The following PCLO variants were observed in gnomAD, a reference collection of about 807,000 sequenced individuals.
PCLO encodes the protein piccolo presynaptic cytomatrix protein.
PCLO carries 82 observed loss-of-function variants against 427.5 expected under a neutral mutation model. That is an observed-to-expected ratio of 0.19 (90% CI 0.16 to 0.23). PCLO has a LOEUF of 0.23. Ranked by LOEUF, PCLO falls within the 10% of genes least tolerant of loss-of-function variation. The pLI is 1.00. For synonymous variants in PCLO, 2,357 were observed against 2,155.4 expected (o/e 1.09, Z -2.59); for missense variants, 6,239 against 6,115.9 (o/e 1.02, Z -0.67).
intron 3 of PCLO, among the ~76,000 whole-genome samples, chr7:82,987,740 C>G (rs533586626): frequency 1.9e-4 from 29 of 152,148 alleles, no homozygotes; most frequent in Non-Finnish European, 2.5e-4. Flanking sequence ...TCAGTTCCAA[C>G]CAACAATCAG....
chr7:82,907,610 A>G (rs916211474), intron 8 of PCLO, among the ~76,000 whole-genome samples: 3 of 152,060 alleles, frequency 2.0e-5, no homozygotes, highest in African/African-American at 7.2e-5. Context: ...GCATAATTCA[A>G]TACAGGCTGA....
Position 83,156,359 on chromosome 7 carries a change from C to G in PCLO, c.282G>C (p.Lys94Asn), listed in dbSNP as rs1290766429. ...KQELDSSHPPKQSGRPPDPGR... is the reference protein window; with the variant it reads ...KQELDSSHPPNQSGRPPDPGR... Reference sequence around the variant, plus strand: ...CAGGGTCCGGGGGTCTTCCTGATTGCTTTGGAGGATGACTACTATCCAACT... The same window carrying G: ...CAGGGTCCGGGGGTCTTCCTGATTGGTTTGGAGGATGACTACTATCCAACT... Residue 94 changes from lysine (K) to asparagine (N), a missense_variant, in exon 2 of 25, where the codon AAG (lysine) becomes AAC (asparagine). Physicochemically the swap from Lys to Asn is moderately conservative, Grantham distance 94. This residue lies in a region of PCLO where 4,677 missense variants were observed against 4,468.4 expected (regional missense o/e 1.05). Transcript: ENST00000333891. 1 of 1,605,948 alleles carries G rather than the reference C, an allele frequency of 6.2e-7. No homozygotes were observed.
At chr7:82,863,155 TAA>T (rs1050251177) in intron 10 of PCLO, among the ~76,000 whole-genome samples, 3 of 151,946 alleles carry the variant, frequency 2.0e-5, no homozygotes, top group Non-Finnish European at 4.4e-5. Flanking sequence ...AATTAAAAAT[TAA>T]AAAGTTATAC....
chr7:83,158,277 A>G (rs1268256293), intron 1 of PCLO, among the ~76,000 whole-genome samples: 1 of 152,080 alleles, frequency 6.6e-6, no homozygotes, highest in Non-Finnish European at 1.5e-5. Flanking sequence ...AGCTCTTAAA[A>G]TGGACTGCTA....
At chr7:82,837,301 C>A (rs1451052474) in intron 15 of PCLO, among the ~76,000 whole-genome samples, 1 of 151,912 alleles carries the variant, frequency 6.6e-6, no homozygotes, top group Non-Finnish European at 1.5e-5. Flanking sequence ...TCAAATTATT[C>A]CTTCTACTTG....
chr7:82,914,670 T>C lies in PCLO; in HGVS notation c.13300+16A>G, dbSNP rs74356794. 21,095 of 1,611,666 alleles carry C rather than the reference T, an allele frequency of 0.013. 190 individuals carry two copies. Among genetic ancestry groups the C allele is most frequent in the Middle Eastern group, 0.021 (130 of 6,056 alleles). On this transcript the variant is annotated intron_variant, in intron 7 of 24. Coordinates refer to ENST00000333891, the MANE Select transcript of PCLO (RefSeq NM_033026.6). ...TGAGTTTTGAGAGTAACAGGGTAGT[T>C]TGAGGCCCAATTTACCTTCACTGTC... is the stretch of plus-strand genomic sequence containing the variant.
rs1328232332 is a variant in PCLO at position 82,755,573 on chromosome 7, C to A, written c.*3002G>T. On this transcript the variant is annotated 3_prime_UTR_variant, in exon 25 of 25. Transcript: ENST00000333891. ...TGACTCAATGAAATTGTGGGAAAAA[C>A]TGAGATGCTCTTCAAGGTAAAAGTG... 1 of 152,036 alleles carries A rather than the reference C, an allele frequency of 6.6e-6. No homozygotes were observed. The highest frequency in any genetic ancestry group is 1.5e-5 in the Non-Finnish European group (1 of 68,004). 9.4% of individuals were successfully genotyped at this position (152,036 alleles called of 1,614,324 possible). A position where few individuals can be genotyped will look rare whatever the true frequency, so the allele number is the denominator to read the frequency against.
intron 3 of PCLO, among the ~76,000 whole-genome samples, chr7:83,080,162 A>C (rs1332825533): frequency 2.6e-5 from 4 of 152,140 alleles, no homozygotes; most frequent in African/African-American, 4.8e-5. Flanking sequence ...TGCTACTGTG[A>C]ATAGTGCTGC....
intron 6 of PCLO, among the ~76,000 whole-genome samples, chr7:82,924,852 GT>G (rs1302287524): frequency 6.6e-6 from 1 of 151,934 alleles, no homozygotes; most frequent in Non-Finnish European, 1.5e-5. Flanking sequence ...CTTAAAAAAA[GT>G]TAAAAAATAG....
At chr7:83,025,830 C>G (rs1788480233) in intron 3 of PCLO, among the ~76,000 whole-genome samples, 1 of 151,982 alleles carries the variant, frequency 6.6e-6, no homozygotes, top group South Asian at 2.1e-4. Flanking sequence ...ATTTTCAACC[C>G]AGAATTTCAT....
chr7:83,121,101 G>A lies in PCLO; in HGVS notation c.3300+13149C>T, dbSNP rs182682136. 1.8e-3 allele frequency among the ~76,000 whole-genome samples: 277 copies of A among 152,072 alleles called. 1 individual carries two copies. Among genetic ancestry groups the A allele is most frequent in the African/African-American group, 6.1e-3 (253 of 41,472 alleles). ...GATTGAGACCATCCTGGCTAACAAG[G>A]TGAAACCCATCTCTACTAAAAATAC... On this transcript the variant is annotated intron_variant, in intron 3 of 24. Coordinates refer to ENST00000333891, the MANE Select transcript of PCLO (RefSeq NM_033026.6).
intron 20 of PCLO, among the ~76,000 whole-genome samples, chr7:82,810,112 G>A (rs991087845): frequency 6.6e-6 from 1 of 150,950 alleles, no homozygotes; most frequent in Admixed American, 6.7e-5. Flanking sequence ...TAGTTGGAGA[G>A]CTCTGGGTTA....
chr7:83,081,943 G>T (rs1285777517), intron 3 of PCLO, among the ~76,000 whole-genome samples: 2 of 151,682 alleles, frequency 1.3e-5, no homozygotes, highest in Admixed American at 6.6e-5. Context: ...TTAACAAAAT[G>T]ACTGTCAAAA....
intron 3 of PCLO, among the ~76,000 whole-genome samples, chr7:83,006,764 T>G (rs1787956273): frequency 6.6e-6 from 1 of 151,448 alleles, no homozygotes; most frequent in African/African-American, 2.4e-5. Context: ...TAATATTTAT[T>G]AAACGCATTA....
intron 10 of PCLO, among the ~76,000 whole-genome samples, chr7:82,871,685 T>C (rs1163338435): frequency 6.6e-6 from 1 of 152,000 alleles, no homozygotes; most frequent in Non-Finnish European, 1.5e-5. Flanking sequence ...TTACACATTA[T>C]ATGCATGCAT....
At position 83,134,903 on chromosome 7, in the gene PCLO, G is replaced by A. The variant is rs1182209599; in HGVS notation, c.2647C>T (p.Pro883Ser). 1.2e-6 allele frequency: 2 copies of A among 1,603,030 alleles called. No homozygotes were observed. The highest frequency in any genetic ancestry group is 1.7e-5 in the Admixed American group (1 of 58,986). Residue 883 changes from proline to serine, a missense_variant, in exon 3 of 25, where the codon CCT (proline) becomes TCT (serine). By Grantham distance (74) the Pro-to-Ser change is moderately conservative. Transcript: ENST00000333891. The part of the protein sequence containing the change: ...KGSPTPPGPR[P>S]TAGQTVPTPQ... ...GTGGGGACAGTTTGGCCAGCGGTAG[G>A]TCGTGGGCCAGGGGGTGTTGGTGAC...
chr7:82,953,864 A>G lies in PCLO; in HGVS notation c.7089T>C (p.Ser2363=), dbSNP rs766694125. The change falls in exon 5 of 25, where the codon TCT becomes TCC. Residue 2363 remains serine, a synonymous_variant. Transcript: ENST00000333891. ...GTTTTTCCTGACCAAAGGTCTCTCC[A>G]GATGTAAAGTATGTAGTTGAAAGCT... ...KEQLSTTYFT[S]GETFGQEKPA... is the part of the protein sequence containing the mutation. 6.2e-7 allele frequency: 1 copy of G among 1,613,812 alleles called. No homozygotes were observed. The highest frequency in any genetic ancestry group is 1.1e-5 in the South Asian group (1 of 91,074).
intron 21 of PCLO, 122 bp from the exon 22 acceptor site, chr7:82,801,713 A>G (rs1791357751): frequency 4.8e-6 from 3 of 619,554 alleles, no homozygotes; most frequent in Non-Finnish European, 8.5e-6. Context: ...ACTTTTGCAC[A>G]ACCGAATATT....
At chr7:82,774,306 T>C (rs1261668733) in intron 22 of PCLO, among the ~76,000 whole-genome samples, 1 of 152,196 alleles carries the variant, frequency 6.6e-6, no homozygotes, top group Non-Finnish European at 1.5e-5. Flanking sequence ...TTCCATCTAT[T>C]AGACAGTCCC....
Sources: gnomAD v4.1 joint callset for allele counts (sites outside exome capture counted in the v4.1 genomes callset) on GRCh38, gnomAD v4.1.1 for gene constraint, gnomAD v4.1.1 regional missense constraint, MANE v1.5 for transcripts, NCBI Gene and HGNC (gene_info 2026-07-23, HGNC 2026-07-21) for gene names.